Variants in GFRA3 observed in about 807,000 individuals in gnomAD.
The protein encoded by GFRA3 is GDNF family receptor alpha-3.
A neutral mutation model predicts 40.0 loss-of-function variants in GFRA3; 24 were observed. The ratio of observed to expected loss-of-function variants is 0.60; its 90% CI spans 0.43 to 0.84. The LOEUF (loss-of-function observed/expected upper bound fraction) is 0.84, where lower values mean the gene tolerates loss of function less well. GFRA3 is among the 40% of genes least tolerant of loss of function. The pLI is 0.00. For synonymous variants in GFRA3, 203 were observed against 213.5 expected, an observed-to-expected ratio of 0.95 and a Z score of 0.43; for missense variants, 405 against 530.6, an observed-to-expected ratio of 0.76 and a Z score of 2.33.
intron 4 of GFRA3, among the ~76,000 whole-genome samples, chr5:138,256,938 C>T (rs917051976): frequency 1.4e-4 from 13 of 92,010 alleles, no homozygotes; most frequent in African/African-American, 5.5e-4. Context: ...CAGAAGGGGA[C>T]TCTGTCTCAA....
chr5:138,273,279 T>C (rs1419148431), intron 1 of GFRA3, among the ~76,000 whole-genome samples: 2 of 152,040 alleles, frequency 1.3e-5, no homozygotes, highest in Non-Finnish European at 2.9e-5. Context: ...GTTTTATGGA[T>C]TTTCAATGAG....
intron 1 of GFRA3, among the ~76,000 whole-genome samples, chr5:138,272,138 T>C (rs901059003): frequency 1.3e-5 from 2 of 151,190 alleles, no homozygotes; most frequent in African/African-American, 4.9e-5. Context: ...CCCGGGTAGT[T>C]GGGACTACAG....
At position 138,271,905 on chromosome 5, in the gene GFRA3, T is replaced by TGTGTGTGTGTG. The variant is rs1468208782; in HGVS notation, c.91+2428_91+2429insCACACACACAC. On this transcript the variant is annotated intron_variant, in intron 1 of 7. Transcript: ENST00000274721. ...ATTTTCTTTTCTGTTTTTTTTTTTT[T>TGTGTGTGTGTG]TTTTTTTTTGTGTGTGTGTGTGTGT... Among the ~76,000 whole-genome samples the TGTGTGTGTGTG allele has an allele frequency of 4.7e-3, 453 of 96,812 alleles. 1 individual carries two copies. Among genetic ancestry groups the TGTGTGTGTGTG allele is most frequent in the Admixed American group, 0.02 (173 of 8,576 alleles). 63.5% of individuals were successfully genotyped at this position (96,812 alleles called of 152,430 possible).
intron 1 of GFRA3, among the ~76,000 whole-genome samples, chr5:138,270,921 A>G (rs1755859162): frequency 6.6e-6 from 1 of 152,220 alleles, no homozygotes; most frequent in Admixed American, 6.5e-5. Flanking sequence ...TACTTCCGGT[A>G]GGTACTGAAT....
chr5:138,258,473 C>T lies in GFRA3; in HGVS notation c.473-522G>A, dbSNP rs542779167. ...CTGGGATTACAGGCATGAACCGCCG[C>T]GCCCGGCACAACTCCTCATCTTGAC... On this transcript the variant is annotated intron_variant, in intron 3 of 7. Coordinates refer to ENST00000274721, the MANE Select transcript of GFRA3 (RefSeq NM_001496.4). 2.6e-5 allele frequency among the ~76,000 whole-genome samples: 4 copies of T among 152,184 alleles called. No homozygotes were observed. In the South Asian group the frequency reaches 6.2e-4, roughly 24 times the overall value.
At chr5:138,265,767 T>G (rs980332243) in intron 1 of GFRA3, among the ~76,000 whole-genome samples, 1 of 152,168 alleles carries the variant, frequency 6.6e-6, no homozygotes, top group Non-Finnish European at 1.5e-5. Flanking sequence ...CGATCACAGC[T>G]CACTGCAGCC....
chr5:138,253,452 A>G, intron 6 of GFRA3, 77 bp from the exon 7 acceptor site: 1 of 934,036 alleles, frequency 1.1e-6, no homozygotes, highest in South Asian at 1.4e-5. Flanking sequence ...AGGAAAGGGA[A>G]TGCCACAGGG....
At chr5:138,273,182 A>C (rs778729051) in intron 1 of GFRA3, among the ~76,000 whole-genome samples, 3 of 152,136 alleles carry the variant, frequency 2.0e-5, no homozygotes, top group Non-Finnish European at 4.4e-5. Flanking sequence ...GCAGGCCCTG[A>C]GCAATGATAT....
intron 1 of GFRA3, among the ~76,000 whole-genome samples, chr5:138,271,892 G>GTTTTTTTTTTTTTTTTTTTTTTTTTTTT (rs772736464): frequency 1.7e-5 from 1 of 59,700 alleles, no homozygotes; most frequent in East Asian, 5.0e-4. Context: ...TTTCTTTTCT[G>GTTTTTTTTTTTTTTTTTTTTTTTTTTTT]TTTTTTTTTT....
At position 138,259,549 on chromosome 5, in the gene GFRA3, CT is replaced by C; in HGVS notation, c.472+7del. 1 of 1,382,684 alleles carries C rather than the reference CT, an allele frequency of 7.2e-7. No homozygotes were observed. The highest frequency in any genetic ancestry group is 1.0e-6 in the Non-Finnish European group (1 of 968,398). 85.7% of individuals were successfully genotyped at this position (1,382,684 alleles called of 1,614,324 possible). On this transcript the variant is annotated splice_region_variant and intron_variant, in intron 3 of 7. Coordinates refer to ENST00000274721, the MANE Select transcript of GFRA3 (RefSeq NM_001496.4). ...CCTCTGGTTCCCGAGCCTAGTTGCC[CT>C]CCACACCTGGTTTGAGCATGTTCAG...
chr5:138,261,693 CAAAA>C (rs70979598), intron 2 of GFRA3, among the ~76,000 whole-genome samples: 1 of 46,376 alleles, frequency 2.2e-5, no homozygotes, highest in African/African-American at 9.0e-5. Context: ...GACTCTGTCT[CAAAA>C]AAAAAAAAAA....
chr5:138,261,715 A>AAAG (rs1487153673), intron 2 of GFRA3, among the ~76,000 whole-genome samples: 4 of 151,018 alleles, frequency 2.6e-5, no homozygotes, highest in African/African-American at 4.8e-5. Flanking sequence ...AAAAAAAAAA[A>AAAG]AAGAAGAAGA....
chr5:138,260,763 T>C (rs1255605180), intron 2 of GFRA3, among the ~76,000 whole-genome samples: 1 of 121,348 alleles, frequency 8.2e-6, no homozygotes, highest in Non-Finnish European at 1.7e-5. Flanking sequence ...TGAGTCTCCA[T>C]CTGAAAAAAA....
At position 138,252,698 on chromosome 5, in the gene GFRA3, C is replaced by A; in HGVS notation, c.*270G>T. The A allele has an allele frequency of 2.9e-6, 1 of 339,764 alleles. No individual in the cohort carries two copies. The highest frequency in any genetic ancestry group is 5.4e-6 in the Non-Finnish European group (1 of 183,912). The allele number at this position is 339,764 out of a possible 1,614,324, so 21.0% of individuals were successfully genotyped here. On this transcript the variant is annotated 3_prime_UTR_variant, in exon 8 of 8. Transcript: ENST00000274721. ...TGATCCTGGTAGTCAAGAGGAAGGG[C>A]TCAGAAAGGGGCTTGGTGGAGCTGG... is the stretch of plus-strand genomic sequence containing the variant.
Position 138,257,719 on chromosome 5 carries a change from G to A in GFRA3, c.705C>T (p.Ile235=), listed in dbSNP as rs761719695. ...RGCGERRRNT[I]APNCALPPVA... ...CAGGCGGCAGCGCGCAGTTGGGGGC[G>A]ATGGTGTTGCGCCGGCGCTCCCCGC... Residue 235 remains isoleucine, a synonymous_variant, in exon 4 of 8, where the codon ATC becomes ATT. Transcript: ENST00000274721. 5 of 1,610,340 alleles carry A rather than the reference G, an allele frequency of 3.1e-6. No individual in the cohort carries two copies. Among genetic ancestry groups the A allele is most frequent in the East Asian group, 2.2e-5 (1 of 44,832 alleles).
Position 138,274,496 on chromosome 5 carries a change from G to A in GFRA3, c.-72C>T. 1 of 1,242,086 alleles carries A rather than the reference G, an allele frequency of 8.1e-7. No individual in the cohort carries two copies. Among genetic ancestry groups the A allele is most frequent in the Non-Finnish European group, 1.0e-6 (1 of 992,436 alleles). The allele number at this position is 1,242,086 out of a possible 1,614,324, so 76.9% of individuals were successfully genotyped here. A position where few individuals can be genotyped will look rare whatever the true frequency, so the allele number is the denominator to read the frequency against. On this transcript the variant is annotated 5_prime_UTR_variant, in exon 1 of 8. Transcript: ENST00000274721. ...GGAGCTCTGAGAGCGGGGCTCCCTC[G>A]ACCGGCACCTCCCGCCCCCGCCTCC...
At position 138,252,956 on chromosome 5, in the gene GFRA3, G is replaced by A. The variant is rs1169375314; in HGVS notation, c.*12C>T. On this transcript the variant is annotated 3_prime_UTR_variant, in exon 8 of 8. Transcript: ENST00000274721. ...GTGTGGTGGAGGGGAAGAGGGCCCT[G>A]GGGAAGTCCAGCTACCATAGGCTCA... 1 of 1,496,606 alleles carries A rather than the reference G, an allele frequency of 6.7e-7. No homozygotes were observed. The highest frequency in any genetic ancestry group is 9.3e-7 in the Non-Finnish European group (1 of 1,073,798). 92.7% of individuals were successfully genotyped at this position (1,496,606 alleles called of 1,614,324 possible).
In GFRA3 at chr5:138,262,050, A is replaced by G. The variant is rs957312906; in HGVS notation, c.379+2211T>C. Among the ~76,000 whole-genome samples the G allele has an allele frequency of 2.0e-5, 3 of 152,238 alleles. No homozygotes were observed. The East Asian group carries it at 5.8e-4, about 29-fold the overall frequency. ...AAAGGCCACAGGCACATGAGATGAT[A>G]GAAATCAAAGATATAAGCAGCAATT... is the stretch of plus-strand genomic sequence containing the variant. On this transcript the variant is annotated intron_variant, in intron 2 of 7. Coordinates refer to ENST00000274721, the MANE Select transcript of GFRA3 (RefSeq NM_001496.4).
Position 138,271,913 on chromosome 5 carries a change from T to TTGTGTGTGTGTGTGTG in GFRA3, c.91+2405_91+2420dup, listed in dbSNP as rs1554111238. On this transcript the variant is annotated intron_variant, in intron 1 of 7. Transcript: ENST00000274721. ...TTCTGTTTTTTTTTTTTTTTTTTTTTTGTGTGTGTGTGTGTGTGTGTGTGT... is the reference window on the plus strand; with the variant it reads ...TTCTGTTTTTTTTTTTTTTTTTTTTTTGTGTGTGTGTGTGTGTGTGTGTGTGTGTGTGTGTGTGTGT... 3.4e-3 allele frequency among the ~76,000 whole-genome samples: 184 copies of TTGTGTGTGTGTGTGTG among 54,216 alleles called. 1 individual carries two copies. The highest frequency in any genetic ancestry group is 0.017 in the Middle Eastern group (1 of 60). 35.6% of individuals were successfully genotyped at this position (54,216 alleles called of 152,430 possible).
Sources: gnomAD v4.1 joint callset for allele counts (sites outside exome capture counted in the v4.1 genomes callset) on GRCh38, gnomAD v4.1.1 for gene constraint, MANE v1.5 for transcripts, NCBI Gene and HGNC (gene_info 2026-07-23, HGNC 2026-07-21) for gene names.